The following GALNT13 variants were observed in gnomAD, a reference collection of about 807,000 sequenced individuals.
GALNT13 encodes the protein UDP-GalNAc:polypeptide N-acetylgalactosaminyltransferase 13.
Under a neutral mutation model 64.2 loss-of-function variants are expected in GALNT13, and 28 were observed. The observed-to-expected ratio is 0.44, with a 90% CI of 0.32 to 0.60. GALNT13 has a LOEUF of 0.60. GALNT13 is among the 20% of genes least tolerant of loss of function. The probability of loss-of-function intolerance (pLI) is 0.05; values close to 1 mark genes in which losing one functional copy is unlikely to be tolerated. For synonymous variants in GALNT13, 214 were observed against 224.6 expected (o/e 0.95, Z 0.42); for missense variants, 577 against 669.8 (o/e 0.86, Z 1.53).
At chr2:153,565,670 C>A in the GALNT13 span, among the ~76,000 whole-genome samples, 2 of 152,034 alleles carry the variant, frequency 1.3e-5, no homozygotes, top group African/African-American at 4.8e-5. Context: ...TGAGGACCTG[C>A]TGTTTATAAT....
chr2:154,348,703 T>A (rs1217033116), intron 9 of GALNT13, among the ~76,000 whole-genome samples: 1 of 151,958 alleles, frequency 6.6e-6, no homozygotes, highest in Non-Finnish European at 1.5e-5. Context: ...GAAGTCCCAA[T>A]GTCATTTTAT....
At chr2:153,726,613 C>T in the GALNT13 span, among the ~76,000 whole-genome samples, 4 of 152,056 alleles carry the variant, frequency 2.6e-5, no homozygotes, top group African/African-American at 4.8e-5. Context: ...GAATAAACCA[C>T]GTCATTTGGC....
chr2:153,501,627 C>T, the GALNT13 span, among the ~76,000 whole-genome samples: 12 of 152,246 alleles, frequency 7.9e-5, no homozygotes, highest in East Asian at 3.9e-4. Context: ...CCTCCGCACC[C>T]GGCCACCTCC....
intron 4 of GALNT13, among the ~76,000 whole-genome samples, chr2:154,234,224 G>T (rs926188065): frequency 6.6e-6 from 1 of 152,254 alleles, no homozygotes; most frequent in East Asian, 1.9e-4. Context: ...AGTCCTACTA[G>T]CAGCATAGCT....
chr2:153,246,568 A>G, the GALNT13 span, among the ~76,000 whole-genome samples: 4 of 152,356 alleles, frequency 2.6e-5, no homozygotes, highest in Admixed American at 2.0e-4. Flanking sequence ...AGTGAAGGAG[A>G]AGTAAAACAC....
the GALNT13 span, among the ~76,000 whole-genome samples, chr2:153,461,413 T>C: frequency 6.6e-6 from 1 of 152,034 alleles, no homozygotes; most frequent in Non-Finnish European, 1.5e-5. Context: ...GAAAGATACT[T>C]AGAACCCCTT....
At chr2:153,970,762 C>T (rs753799164) in intron 3 of GALNT13, among the ~76,000 whole-genome samples, 2 of 152,126 alleles carry the variant, frequency 1.3e-5, no homozygotes, top group South Asian at 2.1e-4. Flanking sequence ...TTCATCACTC[C>T]GGCTGCTTAA....
At chr2:153,368,786 G>C in the GALNT13 span, among the ~76,000 whole-genome samples, 122 of 152,168 alleles carry the variant, frequency 8.0e-4, no homozygotes, top group Non-Finnish European at 1.3e-3. Context: ...AGGATAGAGA[G>C]GATGAGAGGA....
intron 12 of GALNT13, among the ~76,000 whole-genome samples, chr2:154,450,169 TGTCA>T (rs1418989214): frequency 1.3e-5 from 2 of 152,030 alleles, no homozygotes; most frequent in African/African-American, 2.4e-5. Flanking sequence ...GCTTGATAAA[TGTCA>T]GTCAGTTTCT....
intron 8 of GALNT13, among the ~76,000 whole-genome samples, chr2:154,279,116 T>G (rs577385837): frequency 6.6e-6 from 1 of 152,234 alleles, no homozygotes; most frequent in Admixed American, 6.5e-5. Context: ...TAGTTTACAG[T>G]GCAGTTTCAC....
At chr2:153,573,820 T>C in the GALNT13 span, among the ~76,000 whole-genome samples, 4 of 152,118 alleles carry the variant, frequency 2.6e-5, no homozygotes, top group Non-Finnish European at 5.9e-5. Context: ...ATTGTAGTTA[T>C]TATTTTTGAT....
intron 9 of GALNT13, among the ~76,000 whole-genome samples, chr2:154,352,754 C>G (rs1051969936): frequency 6.6e-6 from 1 of 152,182 alleles, no homozygotes; most frequent in Non-Finnish European, 1.5e-5. Context: ...TTAGTACTTT[C>G]AATGTGCCTC....
chr2:154,395,194 TCAA>T (rs1698999342), intron 9 of GALNT13, among the ~76,000 whole-genome samples: 1 of 152,184 alleles, frequency 6.6e-6, no homozygotes, highest in African/African-American at 2.4e-5. Flanking sequence ...ATTACTTATT[TCAA>T]TCAAATGCCA....
chr2:153,128,248 G>T, the GALNT13 span, among the ~76,000 whole-genome samples: 3 of 152,122 alleles, frequency 2.0e-5, no homozygotes, highest in Non-Finnish European at 4.4e-5. Context: ...AAAGAAAGAG[G>T]TTTAATGGAC....
the GALNT13 span, among the ~76,000 whole-genome samples, chr2:153,717,932 A>C: frequency 6.6e-6 from 1 of 152,288 alleles, no homozygotes; most frequent in East Asian, 1.9e-4. Flanking sequence ...AACCTAGTAG[A>C]GAAAATAAAT....
the GALNT13 span, among the ~76,000 whole-genome samples, chr2:153,633,822 T>C: frequency 1.6e-3 from 247 of 152,358 alleles, 1 homozygote; most frequent in African/African-American, 5.7e-3. Flanking sequence ...GCATTTTTCA[T>C]AGCAAAACAT....
At chr2:154,217,251 A>G (rs2105814235) in intron 4 of GALNT13, among the ~76,000 whole-genome samples, 1 of 152,240 alleles carries the variant, frequency 6.6e-6, no homozygotes, top group African/African-American at 2.4e-5. Flanking sequence ...TGTAAACTCC[A>G]GATTCCAGCA....
chr2:153,341,229 T>C, the GALNT13 span, among the ~76,000 whole-genome samples: 1 of 152,220 alleles, frequency 6.6e-6, no homozygotes, highest in Non-Finnish European at 1.5e-5. Context: ...AAAGATTATA[T>C]AATATTTGCT....
intron 1 of GALNT13, among the ~76,000 whole-genome samples, chr2:153,886,791 T>G (rs1207833990): frequency 6.6e-6 from 1 of 152,034 alleles, no homozygotes; most frequent in African/African-American, 2.4e-5. Context: ...TCCATTAAGT[T>G]ACATATTAAA....
Sources: gnomAD v4.1 joint callset for allele counts (sites outside exome capture counted in the v4.1 genomes callset) on GRCh38, gnomAD v4.1.1 for gene constraint, MANE v1.5 for transcripts, NCBI Gene and HGNC (gene_info 2026-07-23, HGNC 2026-07-21) for gene names.